Variants in MAP3K20 observed in about 807,000 individuals in gnomAD.
The protein encoded by MAP3K20 is HCCS-4.
A neutral mutation model predicts 85.7 loss-of-function variants in MAP3K20; 40 were observed. That is an observed-to-expected ratio of 0.47 (90% CI 0.36 to 0.61). The LOEUF is 0.61. Ranked by LOEUF, MAP3K20 falls within the 20% of genes least tolerant of loss-of-function variation. MAP3K20 has a pLI of 0.00. For missense variants in MAP3K20, 817 were observed against 961.7 expected, an observed-to-expected ratio of 0.85 and a Z score of 1.99; for synonymous variants, 325 against 327.7, an observed-to-expected ratio of 0.99 and a Z score of 0.09.
intron 16 of MAP3K20, among the ~76,000 whole-genome samples, chr2:173,244,053 G>C (rs1193897792): frequency 6.6e-6 from 1 of 152,172 alleles, no homozygotes; most frequent in Non-Finnish European, 1.5e-5. Flanking sequence ...ATGTCAAAGC[G>C]CTGAGCCTGT....
At chr2:173,121,589 G>T (rs564619556) in intron 2 of MAP3K20, among the ~76,000 whole-genome samples, 2 of 151,828 alleles carry the variant, frequency 1.3e-5, no homozygotes, top group African/African-American at 4.8e-5. Flanking sequence ...GGGTTTCACC[G>T]TGTTAGCCAG....
intron 10 of MAP3K20, among the ~76,000 whole-genome samples, chr2:173,213,275 G>A (rs1466660758): frequency 6.6e-6 from 1 of 152,152 alleles, no homozygotes; most frequent in East Asian, 1.9e-4. Flanking sequence ...GGGGGAAAAG[G>A]AGATACAAGA....
At chr2:173,078,026 C>T (rs527522718) in intron 1 of MAP3K20, among the ~76,000 whole-genome samples, 3 of 152,040 alleles carry the variant, frequency 2.0e-5, no homozygotes, top group Admixed American at 2.0e-4. Flanking sequence ...TTTGTGGGGG[C>T]GTGGAGTGAA....
chr2:173,172,725 A>G (rs977377063), intron 3 of MAP3K20, among the ~76,000 whole-genome samples: 5 of 152,144 alleles, frequency 3.3e-5, no homozygotes, highest in Admixed American at 6.5e-5. Context: ...CCAGATCTAC[A>G]AAGAAATGGG....
chr2:173,254,211 C>T (rs1051154092), intron 16 of MAP3K20, among the ~76,000 whole-genome samples: 48 of 151,312 alleles, frequency 3.2e-4, no homozygotes, highest in Middle Eastern at 3.4e-3. Context: ...GTTAGGAGAT[C>T]GAGACCATCC....
upstream of MAP3K20, chr2:173,075,790 G>A: frequency 1.0e-6 from 1 of 985,502 alleles, no homozygotes; most frequent in Non-Finnish European, 1.2e-6. Flanking sequence ...TGAGGGGAGG[G>A]CGGCCCAGCC....
At chr2:173,134,425 TA>T (rs1398220093) in intron 2 of MAP3K20, among the ~76,000 whole-genome samples, 308 of 22,980 alleles carry the variant, frequency 0.013, 17 homozygotes, top group South Asian at 0.022. Context: ...TATATATATA[TA>T]TATTTTTTTT....
chr2:173,150,857 C>T lies in MAP3K20; in HGVS notation c.160-18948C>T, dbSNP rs571984758. 6.3e-4 allele frequency among the ~76,000 whole-genome samples: 96 copies of T among 152,072 alleles called. 1 individual carries two copies. Among genetic ancestry groups the T allele is most frequent in the Admixed American group, 2.0e-4 (3 of 15,278 alleles). ...GATTACAGGCGTGAGCCACCACACCCGGCCAAAAAAAATTGTTTTAATGTA... is the reference window on the plus strand; with the variant it reads ...GATTACAGGCGTGAGCCACCACACCTGGCCAAAAAAAATTGTTTTAATGTA... On this transcript the variant is annotated intron_variant, in intron 2 of 19. Coordinates refer to ENST00000375213, the MANE Select transcript of MAP3K20 (RefSeq NM_016653.3).
chr2:173,255,991 A>G (rs561837732), intron 16 of MAP3K20, among the ~76,000 whole-genome samples: 1 of 152,342 alleles, frequency 6.6e-6, no homozygotes, highest in East Asian at 1.9e-4. Context: ...TGAGAAACTA[A>G]TTTGACTTAT....
At chr2:173,152,662 AAACTAGAATT>A (rs1418917565) in intron 2 of MAP3K20, among the ~76,000 whole-genome samples, 2 of 152,192 alleles carry the variant, frequency 1.3e-5, no homozygotes, top group East Asian at 3.8e-4. Flanking sequence ...GCAAAGAGAA[AAACTAGAATT>A]TGGGGTGAGA....
chr2:173,212,946 T>C (rs1004050006), intron 10 of MAP3K20: 1 of 152,044 alleles, frequency 6.6e-6, no homozygotes, highest in African/African-American at 2.4e-5. Context: ...AATGATGGTA[T>C]CTCCATATAC....
intron 16 of MAP3K20, among the ~76,000 whole-genome samples, chr2:173,239,771 G>A (rs1387490239): frequency 1.3e-5 from 2 of 152,190 alleles, no homozygotes; most frequent in East Asian, 1.9e-4. Flanking sequence ...AAGGGGGGCC[G>A]TGGATACCAG....
At chr2:173,248,272 T>C (rs1004586810) in intron 16 of MAP3K20, among the ~76,000 whole-genome samples, 5 of 152,148 alleles carry the variant, frequency 3.3e-5, no homozygotes, top group Non-Finnish European at 5.9e-5. Context: ...TGAGGATGTA[T>C]GGAAAAAAAT....
Position 173,191,124 on chromosome 2 carries a change from G to T in MAP3K20, c.529G>T (p.Val177Phe). 1 of 1,614,016 alleles carries T rather than the reference G, an allele frequency of 6.2e-7. No homozygotes were observed. ...VGTFPWMAPE[V>F]IQSLPVSETC... Reference sequence around the variant, plus strand: ...AACTTTCCCATGGATGGCTCCAGAAGTTATCCAGAGTCTCCCTGTGTCAGA... The same window carrying T: ...AACTTTCCCATGGATGGCTCCAGAATTTATCCAGAGTCTCCCTGTGTCAGA... The change falls in exon 7 of 20, where the codon GTT becomes TTT. Residue 177 changes from valine (V) to phenylalanine (F), a missense_variant. Physicochemically the swap from Val to Phe is conservative, Grantham distance 50. Transcript: ENST00000375213.
In MAP3K20 at chr2:173,120,953, C is replaced by T. The variant is rs554371992; in HGVS notation, c.159+29763C>T. On this transcript the variant is annotated intron_variant, in intron 2 of 19. Coordinates refer to ENST00000375213, the MANE Select transcript of MAP3K20 (RefSeq NM_016653.3). ...CGATCTCCTGACCTCGTGATCCACC[C>T]GCCTCAGCCTCCCAAAGTGCTGGGA... Among the ~76,000 whole-genome samples the T allele has an allele frequency of 4.6e-5, 7 of 151,856 alleles. No homozygotes were observed. The East Asian group carries it at 1.2e-3, about 25-fold the overall frequency.
At chr2:173,186,740 A>G (rs952635173) in intron 4 of MAP3K20, among the ~76,000 whole-genome samples, 2 of 152,098 alleles carry the variant, frequency 1.3e-5, no homozygotes, top group African/African-American at 2.4e-5. Context: ...TTAGTAGAAA[A>G]TCATCCTTTT....
At chr2:173,194,327 A>G (rs538643323) in intron 7 of MAP3K20, among the ~76,000 whole-genome samples, 3 of 152,196 alleles carry the variant, frequency 2.0e-5, no homozygotes, top group East Asian at 3.8e-4. Context: ...CACCAACCTA[A>G]TATTTAATTC....
rs542623624 is a variant in MAP3K20 at position 173,075,965 on chromosome 2, C to A, written c.-72C>A. On this transcript the variant is annotated 5_prime_UTR_variant, in exon 1 of 20. Coordinates refer to ENST00000375213, the MANE Select transcript of MAP3K20 (RefSeq NM_016653.3). Reference sequence around the variant, plus strand: ...GCCCTCGTCGCGCGCGGGGCCTCCGCGCCCCCGGCTGCTGCTCACGCCCCG... The same window carrying A: ...GCCCTCGTCGCGCGCGGGGCCTCCGAGCCCCCGGCTGCTGCTCACGCCCCG... 4 of 985,114 alleles carry A rather than the reference C, an allele frequency of 4.1e-6. No individual in the cohort carries two copies. In the South Asian group the frequency reaches 1.9e-4, roughly 46 times the overall value. 61.0% of individuals were successfully genotyped at this position (985,114 alleles called of 1,614,324 possible). A position where few individuals can be genotyped will look rare whatever the true frequency, so the allele number is the denominator to read the frequency against.
intron 2 of MAP3K20, among the ~76,000 whole-genome samples, chr2:173,132,638 C>A (rs1458038784): frequency 3.3e-5 from 5 of 152,166 alleles, no homozygotes; most frequent in Admixed American, 2.0e-4. Flanking sequence ...TTTCCCCTCC[C>A]CTGTCAGATA....
Sources: gnomAD v4.1 joint callset for allele counts (sites outside exome capture counted in the v4.1 genomes callset) on GRCh38, gnomAD v4.1.1 for gene constraint, MANE v1.5 for transcripts, NCBI Gene and HGNC (gene_info 2026-07-23, HGNC 2026-07-21) for gene names.